Variants in GAGE1 observed in about 807,000 individuals in gnomAD.
GAGE1 encodes the protein G antigen 1, also known as G antigen 4.
GAGE1 carries 5 observed loss-of-function variants against 5.0 expected under a neutral mutation model. The observed-to-expected ratio is 1.00, with a 90% CI of 0.52 to 2.11. The LOEUF is 2.11. Ranked by LOEUF, GAGE1 falls within the 30% of genes most tolerant of loss-of-function variation. The probability of loss-of-function intolerance (pLI) is 0.01; values close to 1 mark genes in which losing one functional copy is unlikely to be tolerated. For synonymous variants in GAGE1, 6 were observed against 14.8 expected (o/e 0.40, Z 1.37); for missense variants, 9 against 38.9 (o/e 0.23, Z 2.04).
chrX:49,602,959 A>G (rs1357953800), intron 3 of GAGE1, among the ~76,000 whole-genome samples: 1 of 101,651 alleles, frequency 9.8e-6, no homozygotes, highest in Non-Finnish European at 2.0e-5. Context: ...AGCTGGGACT[A>G]CAGGCGCCGG....
intron 4 of GAGE1, among the ~76,000 whole-genome samples, chrX:49,604,755 A>G (rs1220890820): frequency 8.9e-6 from 1 of 111,949 alleles, no homozygotes; most frequent in Non-Finnish European, 1.9e-5. Flanking sequence ...TTCCGTGTGG[A>G]GAGCTGAATA....
intron 4 of GAGE1, among the ~76,000 whole-genome samples, chrX:49,604,820 T>G (rs1196490009): frequency 8.9e-6 from 1 of 111,813 alleles, no homozygotes; most frequent in African/African-American, 3.3e-5. Flanking sequence ...GTTTGTTTGT[T>G]TGTTTGCGAC....
At chrX:49,605,930 A>AATG in intron 4 of GAGE1, 63 bp from the exon 5 acceptor site, 1 of 571,713 alleles carries the variant, frequency 1.7e-6, no homozygotes, top group Non-Finnish European at 2.4e-6. Context: ...TAATAATAAT[A>AATG]ATAATAATAA....
In GAGE1 at chrX:49,607,622, C is replaced by T. The variant is rs781806166; in HGVS notation, c.*1607C>T. 1.1e-4 allele frequency: 12 copies of T among 110,802 alleles called. No individual in the cohort carries two copies. Among genetic ancestry groups the T allele is most frequent in the East Asian group, 5.7e-4 (2 of 3,508 alleles). The allele number at this position is 110,802 out of a possible 1,213,427, so 9.1% of individuals were successfully genotyped here. The stretch of plus-strand genomic sequence containing the variant: ...ATCCCCTCAAACTTTGTGAGGGTCG[C>T]GTTCTCTGAAGATGCCTCTTCAATT... On this transcript the variant is annotated 3_prime_UTR_variant, in exon 5 of 5. Coordinates refer to ENST00000381700, the MANE Select transcript of GAGE1 (RefSeq NM_001040663.4).
chrX:49,604,461 T>C (rs2066638964), intron 4 of GAGE1, among the ~76,000 whole-genome samples: 1 of 112,523 alleles, frequency 8.9e-6, no homozygotes, highest in African/African-American at 3.2e-5. Flanking sequence ...TATCAGCTCT[T>C]ACAGCCTTGG....
chrX:49,606,115 G>A lies in GAGE1; in HGVS notation c.*100G>A, dbSNP rs1414828481. The A allele has an allele frequency of 4.0e-6, 2 of 494,897 alleles. No individual in the cohort carries two copies. The highest frequency in any genetic ancestry group is 8.5e-5 in the Admixed American group (2 of 23,643). 40.8% of individuals were successfully genotyped at this position (494,897 alleles called of 1,213,427 possible). On this transcript the variant is annotated 3_prime_UTR_variant, in exon 5 of 5. Transcript: ENST00000381700. The stretch of plus-strand genomic sequence containing the variant: ...TTACAGCCTTCTGCAAAGAAGTCTT[G>A]TGAATCTTTTGTCAATTTTATTTCT...
At position 49,606,041 on chromosome X, in the gene GAGE1, G is replaced by A. The variant is rs1485504798; in HGVS notation, c.*26G>A. ...AAGAAGACATGCTGAAATGTTGCAG[G>A]CTGCTCCTATGTTGGAAAATTCTTC... On this transcript the variant is annotated 3_prime_UTR_variant, in exon 5 of 5. Transcript: ENST00000381700. 7 of 1,032,476 alleles carry A rather than the reference G, an allele frequency of 6.8e-6. No homozygotes were observed. Among genetic ancestry groups the A allele is most frequent in the Non-Finnish European group, 7.6e-6 (6 of 793,169 alleles). The allele number at this position is 1,032,476 out of a possible 1,213,427, so 85.1% of individuals were successfully genotyped here. A position where few individuals can be genotyped will look rare whatever the true frequency, so the allele number is the denominator to read the frequency against.
chrX:49,604,470 G>T (rs1377245252), intron 4 of GAGE1, among the ~76,000 whole-genome samples: 1 of 112,094 alleles, frequency 8.9e-6, no homozygotes, highest in Non-Finnish European at 1.9e-5. Context: ...TTACAGCCTT[G>T]GTGAGATTCT....
At chrX:49,604,431 A>G (rs1232203948) in intron 4 of GAGE1, among the ~76,000 whole-genome samples, 1 of 112,633 alleles carries the variant, frequency 8.9e-6, no homozygotes, top group Middle Eastern at 4.2e-3. Context: ...AAAATGCTGA[A>G]GCACTCATGC....
intron 3 of GAGE1, among the ~76,000 whole-genome samples, chrX:49,602,232 A>T (rs1434259906): frequency 3.6e-5 from 4 of 112,649 alleles, no homozygotes; most frequent in Non-Finnish European, 7.5e-5. Context: ...ACAGATGCAA[A>T]GTTTTTGTGC....
At chrX:49,602,702 T>A (rs1446979262) in intron 3 of GAGE1, among the ~76,000 whole-genome samples, 1 of 91,393 alleles carries the variant, frequency 1.1e-5, no homozygotes, top group African/African-American at 3.4e-5. Flanking sequence ...GAAAGTCATT[T>A]CTTGGATCAT....
intron 4 of GAGE1, 84 bp from the exon 5 acceptor site, chrX:49,605,909 A>AATC (rs1306051167): frequency 4.4e-6 from 1 of 227,097 alleles, no homozygotes; most frequent in East Asian, 1.2e-4. Flanking sequence ...CTCCATCTAA[A>AATC]ATAATAATAA....
Position 49,606,368 on chromosome X carries a change from T to C in GAGE1, c.*353T>C, listed in dbSNP as rs1391833366. On this transcript the variant is annotated 3_prime_UTR_variant, in exon 5 of 5. Transcript: ENST00000381700. ...TGTTTCTGCCTTTTTTGTTTGTTTT[T>C]TCTTTTGTATTTTTCGTAGAGGTGG... 14 of 117,893 alleles carry C rather than the reference T, an allele frequency of 1.2e-4. No homozygotes were observed. Among genetic ancestry groups the C allele is most frequent in the Admixed American group, 3.8e-4 (4 of 10,657 alleles). 9.7% of individuals were successfully genotyped at this position (117,893 alleles called of 1,213,427 possible).
At chrX:49,604,173 G>A (rs1354255779) in intron 4 of GAGE1, among the ~76,000 whole-genome samples, 1 of 112,628 alleles carries the variant, frequency 8.9e-6, no homozygotes, top group South Asian at 3.7e-4. Flanking sequence ...TTTTTAGTAA[G>A]AGAGAGTTAA....
At chrX:49,604,908 A>C (rs1211062093) in intron 4 of GAGE1, 2 of 324,087 alleles carry the variant, frequency 6.2e-6, no homozygotes, top group African/African-American at 5.4e-5. Context: ...CCCAGGCTAA[A>C]GCAGTCCTCC....
intron 4 of GAGE1, among the ~76,000 whole-genome samples, chrX:49,604,307 A>C (rs1443336750): frequency 3.5e-5 from 4 of 112,753 alleles, no homozygotes; most frequent in African/African-American, 6.4e-5. Flanking sequence ...ATGTTGAATT[A>C]AAAGTTTTGA....
At chrX:49,605,606 G>T (rs1721931562) in intron 4 of GAGE1, among the ~76,000 whole-genome samples, 1 of 111,491 alleles carries the variant, frequency 9.0e-6, no homozygotes, top group Non-Finnish European at 1.9e-5. Context: ...ATGCCTTTAG[G>T]GCCATCTAAA....
rs1200952785 is a variant in GAGE1, at chrX:49,607,615, A to G, written c.*1600A>G. 1 of 110,723 alleles carries G rather than the reference A, an allele frequency of 9.0e-6. No homozygotes were observed. Among genetic ancestry groups the G allele is most frequent in the Non-Finnish European group, 1.9e-5 (1 of 52,977 alleles). 9.1% of individuals were successfully genotyped at this position (110,723 alleles called of 1,213,427 possible). A position where few individuals can be genotyped will look rare whatever the true frequency, so the allele number is the denominator to read the frequency against. ...GGTACCTATCCCCTCAAACTTTGTGAGGGTCGCGTTCTCTGAAGATGCCTC... is the reference window on the plus strand; with the variant it reads ...GGTACCTATCCCCTCAAACTTTGTGGGGGTCGCGTTCTCTGAAGATGCCTC... On this transcript the variant is annotated 3_prime_UTR_variant, in exon 5 of 5. Coordinates refer to ENST00000381700, the MANE Select transcript of GAGE1 (RefSeq NM_001040663.4).
rs368783100 is a variant in GAGE1 at position 49,605,102 on chromosome X, A to C, written c.332-891A>C. The C allele has an allele frequency of 6.1e-5, 62 of 1,011,845 alleles. No homozygotes were observed. In the African/African-American group the frequency reaches 1.1e-3, roughly 19 times the overall value. 83.4% of individuals were successfully genotyped at this position (1,011,845 alleles called of 1,213,427 possible). A position where few individuals can be genotyped will look rare whatever the true frequency, so the allele number is the denominator to read the frequency against. On this transcript the variant is annotated intron_variant, in intron 4 of 4. Transcript: ENST00000381700. ...GAAACCTTGAGTGACTGAAATATCA[A>C]ATGGCAAGAGACCGTTTAGTTCCTA...
Sources: allele counts gnomAD v4.1 joint callset (sites outside exome capture counted in the v4.1 genomes callset), GRCh38; gene constraint gnomAD v4.1.1; transcripts MANE v1.5; gene names NCBI Gene and HGNC (gene_info 2026-07-23, HGNC 2026-07-21).